GPHN: variants seen among roughly 807,000 people sequenced by gnomAD.
GPHN encodes the protein gephyrin.
A neutral mutation model predicts 95.5 loss-of-function variants in GPHN; 17 were observed. The observed-to-expected ratio is 0.18, with a 90% confidence interval of 0.12 to 0.27. The LOEUF (loss-of-function observed/expected upper bound fraction) is 0.27. Among genes scored for constraint, GPHN ranks in the 10% least tolerant of loss-of-function variants. The probability of loss-of-function intolerance (pLI) is 1.00; values close to 1 mark genes in which losing one functional copy is unlikely to be tolerated. For synonymous variants in GPHN, 320 were observed against 322.5 expected (o/e 0.99, Z 0.08); for missense variants, 660 against 978.1 (o/e 0.67, Z 4.34).
At chr14:66,849,180 C>T (rs540116461) in intron 4 of GPHN, among the ~76,000 whole-genome samples, 1 of 152,000 alleles carries the variant, frequency 6.6e-6, no homozygotes, top group East Asian at 1.9e-4. Flanking sequence ...CTCCAGATCC[C>T]TTGCTCTTAG....
chr14:67,636,600 T>C, the GPHN span, among the ~76,000 whole-genome samples: 1 of 152,242 alleles, frequency 6.6e-6, no homozygotes, highest in African/African-American at 2.4e-5. Context: ...GATTTCTTCC[T>C]TACAGCCTGG....
At chr14:66,699,563 G>T (rs1346076266) in intron 2 of GPHN, among the ~76,000 whole-genome samples, 1 of 152,102 alleles carries the variant, frequency 6.6e-6, no homozygotes, top group Admixed American at 6.6e-5. Context: ...AGTTGTTGTT[G>T]AATAATTTCA....
At chr14:67,133,382 A>T (rs1245500737) in intron 17 of GPHN, among the ~76,000 whole-genome samples, 1 of 152,184 alleles carries the variant, frequency 6.6e-6, no homozygotes, top group Non-Finnish European at 1.5e-5. Flanking sequence ...TAAATATTTT[A>T]AAATAGAAAT....
the GPHN span, among the ~76,000 whole-genome samples, chr14:67,225,988 T>C: frequency 1.5e-5 from 2 of 136,862 alleles, no homozygotes; most frequent in Admixed American, 7.3e-5. Context: ...CGCATGCGCG[T>C]GCATGCTCAT....
the GPHN span, chr14:67,382,473 T>C: frequency 1.2e-6 from 2 of 1,613,728 alleles, no homozygotes; most frequent in Admixed American, 1.7e-5. Context: ...CTCCTCGGTA[T>C]GTAATGACTA....
chr14:67,600,369 TGTGCG>T, the GPHN span: 1 of 573,274 alleles, frequency 1.7e-6, no homozygotes, highest in Non-Finnish European at 2.9e-6. Context: ...GGCTGATGGT[TGTGCG>T]TTCTTCCGGG....
At chr14:66,614,532 T>G (rs2062918583) in intron 1 of GPHN, among the ~76,000 whole-genome samples, 1 of 151,926 alleles carries the variant, frequency 6.6e-6, no homozygotes, top group African/African-American at 2.4e-5. Context: ...AAAATGATGT[T>G]ATTTGATATT....
At chr14:66,939,704 C>A (rs548636587) in intron 8 of GPHN, among the ~76,000 whole-genome samples, 1 of 152,274 alleles carries the variant, frequency 6.6e-6, no homozygotes. Flanking sequence ...TATCATTCCC[C>A]CTCTGAAGAC....
intron 1 of GPHN, among the ~76,000 whole-genome samples, chr14:66,611,750 A>G (rs1180278622): frequency 6.6e-6 from 1 of 152,178 alleles, no homozygotes; most frequent in Non-Finnish European, 1.5e-5. Flanking sequence ...AATCTTAGCC[A>G]TCAAATACCA....
At chr14:67,351,701 T>C in the GPHN span, among the ~76,000 whole-genome samples, 1 of 152,038 alleles carries the variant, frequency 6.6e-6, no homozygotes, top group African/African-American at 2.4e-5. Context: ...TCTTCTTTTT[T>C]GTAGAGACAA....
At chr14:67,110,036 C>A (rs958223702) in intron 13 of GPHN, 104 bp from the exon 14 acceptor site, 45 of 1,025,926 alleles carry the variant, frequency 4.4e-5, no homozygotes, top group Middle Eastern at 2.7e-4. Context: ...GTAAGACTTT[C>A]TTTTATGGTT....
At chr14:66,806,825 T>C (rs2153479964) in intron 3 of GPHN, among the ~76,000 whole-genome samples, 1 of 152,282 alleles carries the variant, frequency 6.6e-6, no homozygotes, top group East Asian at 1.9e-4. Flanking sequence ...CTTTAGGAAG[T>C]TCCAAACTTT....
At chr14:67,161,684 C>T (rs986328476) in intron 19 of GPHN, among the ~76,000 whole-genome samples, 18 of 151,890 alleles carry the variant, frequency 1.2e-4, no homozygotes, top group East Asian at 5.8e-4. Flanking sequence ...TCACTTGAGG[C>T]GGAGGTGGCA....
chr14:66,870,280 C>CT (rs2063380884), intron 4 of GPHN, among the ~76,000 whole-genome samples: 1 of 152,202 alleles, frequency 6.6e-6, no homozygotes, highest in Admixed American at 6.5e-5. Flanking sequence ...CCACCATCAG[C>CT]ATCAATGCCT....
At chr14:66,902,849 G>A (rs10151487) in intron 5 of GPHN, among the ~76,000 whole-genome samples, 38,112 of 151,912 alleles carry the variant, frequency 0.25, 9,689 homozygotes, top group African/African-American at 0.62. Context: ...TGGTTTTGGT[G>A]TCAGGGTAAT....
intron 8 of GPHN, among the ~76,000 whole-genome samples, chr14:66,948,149 G>T (rs1324789087): frequency 6.6e-6 from 1 of 152,076 alleles, no homozygotes; most frequent in East Asian, 1.9e-4. Flanking sequence ...TTCAGCAAGA[G>T]TATACCTTTT....
chr14:67,219,063 G>A, the GPHN span, among the ~76,000 whole-genome samples: 34 of 152,028 alleles, frequency 2.2e-4, no homozygotes, highest in African/African-American at 8.2e-4. Context: ...TCCAGAGGTG[G>A]CTCTGGTCTC....
At chr14:67,019,589 T>C (rs2073494798) in intron 9 of GPHN, among the ~76,000 whole-genome samples, 4 of 152,224 alleles carry the variant, frequency 2.6e-5, no homozygotes, top group African/African-American at 2.4e-5. Flanking sequence ...TACATTCTTA[T>C]ATTGTTATGA....
the GPHN span, among the ~76,000 whole-genome samples, chr14:67,716,470 G>A: frequency 6.6e-6 from 1 of 152,208 alleles, no homozygotes; most frequent in Admixed American, 6.5e-5. Flanking sequence ...ATTTTGAAAT[G>A]TTACGCTTCT....
Sources: allele counts gnomAD v4.1 joint callset (sites outside exome capture counted in the v4.1 genomes callset), GRCh38; gene constraint gnomAD v4.1.1; transcripts MANE v1.5; gene names NCBI Gene and HGNC (gene_info 2026-07-23, HGNC 2026-07-21).